The following COL15A1 variants were observed in gnomAD, a reference collection of about 807,000 sequenced individuals.
The protein encoded by COL15A1 is collagen type XV alpha 1 chain.
A neutral mutation model predicts 165.9 loss-of-function variants in COL15A1; 111 were observed. That is an observed-to-expected ratio of 0.67 (90% CI 0.57 to 0.78). The LOEUF (loss-of-function observed/expected upper bound fraction) is 0.78, where lower values mean the gene tolerates loss of function less well. COL15A1 is among the 30% of genes least tolerant of loss of function. COL15A1 has a pLI of 0.00. For synonymous variants in COL15A1, 659 were observed against 674.8 expected, an observed-to-expected ratio of 0.98 and a Z score of 0.36; for missense variants, 1,745 against 1,789.7, an observed-to-expected ratio of 0.98 and a Z score of 0.45.
At position 99,015,427 on chromosome 9, in the gene COL15A1, G is replaced by A. The variant is rs1838912875; in HGVS notation, c.1364G>A (p.Ser455Asn). The A allele has an allele frequency of 5.0e-6, 8 of 1,608,608 alleles. No homozygotes were observed. Among genetic ancestry groups the A allele is most frequent in the Non-Finnish European group, 6.8e-6 (8 of 1,176,092 alleles). Residue 455 changes from serine to asparagine, a missense_variant, in exon 10 of 42, where the codon AGT (serine) becomes AAT (asparagine). Physicochemically the swap from Ser to Asn is conservative, Grantham distance 46 (BLOSUM62 1). Coordinates refer to ENST00000375001, the MANE Select transcript of COL15A1 (RefSeq NM_001855.5). Reference sequence around the variant, plus strand: ...CCAATTTCATTTCAGGGTCCAAGCAGTGAAGACAGTTTAACAACAGCTGCA... The same window carrying A: ...CCAATTTCATTTCAGGGTCCAAGCAATGAAGACAGTTTAACAACAGCTGCA... ...LGEEATVGPS[S>N]EDSLTTAAAA...
Position 99,068,563 on chromosome 9 carries a change from A to T in COL15A1, c.3846A>T (p.Val1282=). Residue 1282 remains valine, a synonymous_variant, in exon 41 of 42, where the codon GTA becomes GTT. Transcript: ENST00000375001. ...SLPIVNLKGQ[V]LFNNWDSIFS... ...GTATTTTGTCTCTATAGGGCCAAGTACTTTTTAATAATTGGGACTCAATTT... is the reference window on the plus strand; with the variant it reads ...GTATTTTGTCTCTATAGGGCCAAGTTCTTTTTAATAATTGGGACTCAATTT... The T allele has an allele frequency of 2.6e-6, 4 of 1,518,328 alleles. No homozygotes were observed. The highest frequency in any genetic ancestry group is 3.5e-6 in the Non-Finnish European group (4 of 1,135,880). The allele number at this position is 1,518,328 out of a possible 1,614,324, so 94.1% of individuals were successfully genotyped here.
chr9:99,047,985 A>AG lies in COL15A1; in HGVS notation c.2782dup (p.Val928GlyfsTer24). 2 of 1,584,080 alleles carry AG rather than the reference A, an allele frequency of 1.3e-6. No homozygotes were observed. The highest frequency in any genetic ancestry group is 1.7e-6 in the Non-Finnish European group (2 of 1,160,200). On this transcript the variant is annotated frameshift_variant, in exon 28 of 42. Transcript: ENST00000375001. LOFTEE classifies it high-confidence loss of function. ...GCCTCAAGGGTACCAAAGGAGATCC[A>AG]GGGGTCATTATGCAGGTGAGTCACC...
At chr9:98,989,150 G>T (rs1217856793) in intron 4 of COL15A1, 28 bp from the exon 5 acceptor site, 2 of 1,589,474 alleles carry the variant, frequency 1.3e-6, no homozygotes, top group East Asian at 2.2e-5. Flanking sequence ...GCTCTGCCCG[G>T]TGTGTGGCAC....
At chr9:99,058,681 A>G (rs1412878199) in intron 35 of COL15A1, among the ~76,000 whole-genome samples, 2 of 152,244 alleles carry the variant, frequency 1.3e-5, no homozygotes, top group Non-Finnish European at 2.9e-5. Context: ...TGGGAGGAAG[A>G]TAAAACAGAT....
chr9:99,024,936 T>C lies in COL15A1; in HGVS notation c.1917T>C (p.Asp639=). ...LPGIPGKPGT[D]VFMGPPGSPG... is the part of the protein sequence containing the mutation. ...GGATTCCAGGAAAACCAGGAACTGATGTTTTCATGGGACCCCCTGGATCTC... is the reference window on the plus strand; with the variant it reads ...GGATTCCAGGAAAACCAGGAACTGACGTTTTCATGGGACCCCCTGGATCTC... The change falls in exon 15 of 42, where the codon GAT becomes GAC. Residue 639 remains aspartate, a synonymous_variant. Transcript: ENST00000375001. The C allele has an allele frequency of 6.2e-7, 1 of 1,614,022 alleles. No homozygotes were observed. The highest frequency in any genetic ancestry group is 8.5e-7 in the Non-Finnish European group (1 of 1,179,892).
intron 2 of COL15A1, among the ~76,000 whole-genome samples, chr9:98,954,156 A>C (rs534244330): frequency 1.3e-5 from 2 of 152,214 alleles, no homozygotes; most frequent in South Asian, 4.1e-4. Context: ...AGGGATGTCC[A>C]TTTCCACCAG....
chr9:98,954,719 T>G (rs1837747732), intron 2 of COL15A1, among the ~76,000 whole-genome samples: 2 of 152,248 alleles, frequency 1.3e-5, no homozygotes, highest in South Asian at 4.1e-4. Context: ...TTAAGGCTTT[T>G]GTTGCATTGT....
chr9:99,063,943 C>T (rs1825856389), intron 39 of COL15A1, among the ~76,000 whole-genome samples: 1 of 152,058 alleles, frequency 6.6e-6, no homozygotes, highest in African/African-American at 2.4e-5. Context: ...TAGAAAGTCT[C>T]TCTATTCCTT....
intron 30 of COL15A1, among the ~76,000 whole-genome samples, chr9:99,051,215 A>ATTTGAGTGT (rs1839581691): frequency 2.6e-5 from 4 of 152,184 alleles, no homozygotes; most frequent in Admixed American, 2.6e-4. Context: ...TGAGCCAGCC[A>ATTTGAGTGT]CAGAACAGCA....
chr9:98,958,967 G>A (rs1837821221), intron 2 of COL15A1, among the ~76,000 whole-genome samples: 1 of 152,066 alleles, frequency 6.6e-6, no homozygotes, highest in African/African-American at 2.4e-5. Flanking sequence ...ATTTGAGACT[G>A]TGTTGGAATG....
chr9:98,949,323 T>A (rs1391957166), intron 2 of COL15A1, among the ~76,000 whole-genome samples: 2 of 152,262 alleles, frequency 1.3e-5, no homozygotes, highest in African/African-American at 2.4e-5. Context: ...TTTGGGCTAA[T>A]GTAATAGTGT....
At chr9:98,985,495 C>T (rs1338734896) in intron 2 of COL15A1, 70 bp from the exon 3 acceptor site, 13 of 1,415,460 alleles carry the variant, frequency 9.2e-6, no homozygotes, top group African/African-American at 2.8e-5. Context: ...TTTGTGACTG[C>T]GTTTCTTCCT....
chr9:99,062,932 C>A, intron 38 of COL15A1, 118 bp from the exon 39 acceptor site: 1 of 1,277,728 alleles, frequency 7.8e-7, no homozygotes. Flanking sequence ...CAGTTACAGA[C>A]AATGGCAAAT....
At chr9:99,059,990 T>C (rs1465812325) in intron 36 of COL15A1, 37 bp downstream of exon 36, 2 of 1,605,806 alleles carry the variant, frequency 1.2e-6, no homozygotes, top group African/African-American at 1.3e-5. Context: ...ATCATTCCAT[T>C]TGGGATAGAT....
intron 16 of COL15A1, among the ~76,000 whole-genome samples, chr9:99,028,906 T>C (rs78829514): frequency 0.016 from 2,394 of 152,342 alleles, 55 homozygotes; most frequent in African/African-American, 0.055. Context: ...GATTATTCTA[T>C]GCTGAGTTCG....
In COL15A1 at chr9:99,068,576, T is replaced by A. The variant is rs773743995; in HGVS notation, c.3859T>A (p.Trp1287Arg). 1 of 1,540,722 alleles carries A rather than the reference T, an allele frequency of 6.5e-7. No homozygotes were observed. Among genetic ancestry groups the A allele is most frequent in the East Asian group, 2.5e-5 (1 of 40,164 alleles). Residue 1287 changes from tryptophan to arginine, a missense_variant, in exon 41 of 42, where the codon TGG becomes AGG. Physicochemically the swap from Trp to Arg is moderately radical, Grantham distance 101. Coordinates refer to ENST00000375001, the MANE Select transcript of COL15A1 (RefSeq NM_001855.5). ...ATAGGGCCAAGTACTTTTTAATAAT[T>A]GGGACTCAATTTTTTCTGGCCACGG... is the stretch of plus-strand genomic sequence containing the variant. ...NLKGQVLFNN[W>R]DSIFSGHGGQ...
intron 11 of COL15A1, among the ~76,000 whole-genome samples, chr9:99,019,032 G>A (rs982859114): frequency 5.3e-5 from 8 of 152,038 alleles, no homozygotes; most frequent in South Asian, 2.1e-4. Context: ...AGAGAGAAAC[G>A]GAGACATGGT....
chr9:99,069,813 A>G lies in COL15A1; in HGVS notation c.4094A>G (p.Lys1365Arg). The G allele has an allele frequency of 6.2e-7, 1 of 1,614,246 alleles. No homozygotes were observed. The highest frequency in any genetic ancestry group is 8.5e-7 in the Non-Finnish European group (1 of 1,180,044). The stretch of plus-strand genomic sequence containing the variant: ...AGCACGGGGAAGATTCTGGACCAGA[A>G]AGCATACAGCTGTGCTAATCGGCTA... ...PLSTGKILDQ[K>R]AYSCANRLIV... The change falls in exon 42 of 42, where the codon AAA becomes AGA. Residue 1365 changes from lysine (K) to arginine (R), a missense_variant. Transcript: ENST00000375001.
intron 5 of COL15A1, among the ~76,000 whole-genome samples, chr9:98,989,595 C>T (rs1838381364): frequency 6.6e-6 from 1 of 152,232 alleles, no homozygotes. Flanking sequence ...ACTCCTCTTC[C>T]AAGAATGGTG....
Sources: allele counts gnomAD v4.1 joint callset (sites outside exome capture counted in the v4.1 genomes callset), GRCh38; gene constraint gnomAD v4.1.1; transcripts MANE v1.5; gene names NCBI Gene and HGNC (gene_info 2026-07-23, HGNC 2026-07-21).